Variants in DPP6 observed in about 807,000 individuals in gnomAD.
The protein encoded by DPP6 is dipeptidyl peptidase like 6, also known as A-type potassium channel modulatory protein DPP6.
DPP6 carries 69 observed loss-of-function variants against 122.6 expected under a neutral mutation model. The observed-to-expected ratio is 0.56, with a 90% confidence interval of 0.46 to 0.69. The LOEUF is 0.69. Among genes scored for constraint, DPP6 ranks in the 30% least tolerant of loss-of-function variants. DPP6 has a pLI of 0.00. For missense variants in DPP6, 928 were observed against 1,116.9 expected, an observed-to-expected ratio of 0.83 and a Z score of 2.41; for synonymous variants, 418 against 433.1, an observed-to-expected ratio of 0.97 and a Z score of 0.43.
chr7:154,474,928 T>A lies in DPP6; in HGVS notation c.359-11T>A. The A allele has an allele frequency of 1.2e-6, 2 of 1,605,994 alleles. No homozygotes were observed. The highest frequency in any genetic ancestry group is 1.7e-6 in the Non-Finnish European group (2 of 1,173,252). ...AACAAGCTTAACTCTTTGCTTTTTATTTTTTTCTAGCGGAAGATAATAGTC... is the reference window on the plus strand; with the variant it reads ...AACAAGCTTAACTCTTTGCTTTTTAATTTTTTCTAGCGGAAGATAATAGTC... On this transcript the variant is annotated splice_polypyrimidine_tract_variant and intron_variant, in intron 2 of 25. Transcript: ENST00000377770.
intron 1 of DPP6, among the ~76,000 whole-genome samples, chr7:154,385,570 C>T (rs1010550249): frequency 3.9e-5 from 6 of 152,094 alleles, no homozygotes; most frequent in African/African-American, 1.2e-4. Flanking sequence ...GTGGTGTGAT[C>T]ATATGAGATG....
At position 154,637,841 on chromosome 7, in the gene DPP6, T is replaced by C. The variant is rs370462194; in HGVS notation, c.648T>C (p.Thr216=). Residue 216 remains threonine, a synonymous_variant, in exon 6 of 26, where the codon ACT becomes ACC. Transcript: ENST00000377770. ...TGCAGATATATCAACACTCGTATAC[T>C]GGATATTACGTCCTGAGCAAAATTC... is the stretch of plus-strand genomic sequence containing the variant. ...NVEPIYQHSY[T]GYYVLSKIPH... The C allele has an allele frequency of 2.9e-5, 46 of 1,583,376 alleles. No homozygotes were observed. In the African/African-American group the frequency reaches 5.8e-4, roughly 20 times the overall value.
intron 5 of DPP6, among the ~76,000 whole-genome samples, chr7:154,578,731 TATG>T (rs1482595858): frequency 2.0e-5 from 3 of 152,180 alleles, no homozygotes; most frequent in Non-Finnish European, 4.4e-5. Context: ...TCTGGGTTTG[TATG>T]ATTTCTCTTG....
intron 7 of DPP6, among the ~76,000 whole-genome samples, chr7:154,713,367 C>A (rs1841308483): frequency 6.6e-6 from 1 of 152,244 alleles, no homozygotes; most frequent in African/African-American, 2.4e-5. Context: ...CAGTGCCCCA[C>A]TGGGGACTCT....
At chr7:154,474,029 A>G (rs1217650965) in intron 2 of DPP6, among the ~76,000 whole-genome samples, 1 of 152,240 alleles carries the variant, frequency 6.6e-6, no homozygotes, top group Non-Finnish European at 1.5e-5. Flanking sequence ...AATGTCCATC[A>G]GATGTGGTCA....
At chr7:154,799,688 G>A (rs556489599) in intron 12 of DPP6, among the ~76,000 whole-genome samples, 39 of 152,298 alleles carry the variant, frequency 2.6e-4, no homozygotes, top group African/African-American at 8.4e-4. Context: ...AGTCAAAAGG[G>A]CTCCTTCTTC....
chr7:154,313,751 A>ACACACACACC (rs147976247), intron 1 of DPP6, among the ~76,000 whole-genome samples: 770 of 45,210 alleles, frequency 0.017, 43 homozygotes, highest in Non-Finnish European at 0.032. Flanking sequence ...ACACACACAC[A>ACACACACACC]CCCTTACATA....
chr7:154,595,113 G>T (rs1170222780), intron 5 of DPP6, among the ~76,000 whole-genome samples: 1 of 152,078 alleles, frequency 6.6e-6, no homozygotes. Flanking sequence ...GTGGATGAAG[G>T]CTGTTGAACG....
rs180710249 is a variant in DPP6 at position 154,327,970 on chromosome 7, C to G, written c.244-118244C>G. Among the ~76,000 whole-genome samples the G allele has an allele frequency of 1.9e-3, 291 of 152,258 alleles. 1 individual carries two copies. Among genetic ancestry groups the G allele is most frequent in the African/African-American group, 6.7e-3 (280 of 41,544 alleles). On this transcript the variant is annotated intron_variant, in intron 1 of 25. Coordinates refer to ENST00000377770, the MANE Select transcript of DPP6 (RefSeq NM_130797.4). ...GCATTACTATGAGTAATTCCAGACA[C>G]CTTAATGCTTTTAGCGGGAGTGCAT...
intron 6 of DPP6, among the ~76,000 whole-genome samples, chr7:154,662,373 C>T (rs1323685523): frequency 1.3e-5 from 2 of 151,046 alleles, no homozygotes; most frequent in African/African-American, 4.9e-5. Context: ...ATCACCATGG[C>T]GTATTGGCCC....
intron 1 of DPP6, among the ~76,000 whole-genome samples, chr7:154,046,052 C>A (rs970463810): frequency 1.2e-4 from 19 of 152,124 alleles, no homozygotes; most frequent in Non-Finnish European, 2.1e-4. Flanking sequence ...TCAAGACCCA[C>A]ATTTCTGCTG....
intron 8 of DPP6, among the ~76,000 whole-genome samples, chr7:154,748,356 A>G (rs1302808247): frequency 2.0e-5 from 3 of 152,180 alleles, no homozygotes; most frequent in Non-Finnish European, 4.4e-5. Flanking sequence ...CTGGACAAAG[A>G]GCTCAGATCG....
intron 1 of DPP6, among the ~76,000 whole-genome samples, chr7:154,160,800 G>T (rs537340382): frequency 1.3e-5 from 2 of 152,244 alleles, no homozygotes; most frequent in South Asian, 2.1e-4. Flanking sequence ...AACCTACCTC[G>T]TTCTGTCACC....
chr7:154,416,215 CCATTAGTCAGCAA>C (rs1817001228), intron 1 of DPP6, among the ~76,000 whole-genome samples: 1 of 152,160 alleles, frequency 6.6e-6, no homozygotes, highest in Non-Finnish European at 1.5e-5. Context: ...CACCACCCTC[CCATTAGTCAGCAA>C]CATCATCTTC....
chr7:154,783,324 G>A (rs921520284), intron 10 of DPP6, among the ~76,000 whole-genome samples: 1 of 152,154 alleles, frequency 6.6e-6, no homozygotes, highest in South Asian at 2.1e-4. Flanking sequence ...GACGGGCAGG[G>A]TCTTCTCTCG....
At chr7:154,267,912 A>G (rs542644793) in intron 1 of DPP6, among the ~76,000 whole-genome samples, 5 of 147,580 alleles carry the variant, frequency 3.4e-5, no homozygotes, top group South Asian at 2.2e-4. Context: ...ACGTATATGC[A>G]CACATACATA....
intron 7 of DPP6, among the ~76,000 whole-genome samples, chr7:154,720,587 G>T (rs1265702493): frequency 6.6e-6 from 1 of 152,220 alleles, no homozygotes; most frequent in Non-Finnish European, 1.5e-5. Flanking sequence ...CTCCAGGATG[G>T]CAGGGCCCCC....
chr7:154,801,550 GT>G, intron 13 of DPP6, 88 bp downstream of exon 13: 5 of 1,450,542 alleles, frequency 3.4e-6, no homozygotes, highest in Non-Finnish European at 4.5e-6. Context: ...GCACACTTGC[GT>G]TTTCGAGGAC....
At chr7:153,759,323 CT>C in the DPP6 span, among the ~76,000 whole-genome samples, 265 of 143,036 alleles carry the variant, frequency 1.9e-3, 1 homozygote, top group South Asian at 4.0e-3. Flanking sequence ...ATAAATAAAT[CT>C]TTTTTTTTTT....
Sources: allele counts gnomAD v4.1 joint callset (sites outside exome capture counted in the v4.1 genomes callset), GRCh38; gene constraint gnomAD v4.1.1; transcripts MANE v1.5; gene names NCBI Gene and HGNC (gene_info 2026-07-23, HGNC 2026-07-21).